Variants in COL4A3 observed in about 807,000 individuals in gnomAD.
The protein encoded by COL4A3 is collagen alpha-3(IV) chain.
COL4A3 carries 135 observed loss-of-function variants against 217.4 expected under a neutral mutation model. That is an observed-to-expected ratio of 0.62 (90% CI 0.54 to 0.72). The LOEUF (loss-of-function observed/expected upper bound fraction) is 0.72, where lower values mean the gene tolerates loss of function less well. Among genes scored for constraint, COL4A3 ranks in the 30% least tolerant of loss-of-function variants. The pLI is 0.00. For missense variants in COL4A3, 1,868 were observed against 2,119.9 expected (o/e 0.88, Z 2.33); for synonymous variants, 690 against 736.3 (o/e 0.94, Z 1.02).
chr2:227,206,333 G>T (rs537117633), intron 1 of COL4A3, among the ~76,000 whole-genome samples: 10 of 152,192 alleles, frequency 6.6e-5, no homozygotes, highest in Non-Finnish European at 1.3e-4. Context: ...TTGGTCTCCC[G>T]TAGTGCTGGG....
chr2:227,296,310 G>C (rs2106241464), intron 41 of COL4A3: 1 of 158,494 alleles, frequency 6.3e-6, no homozygotes, highest in Non-Finnish European at 1.4e-5. Context: ...GTCAAAAGGA[G>C]AGTTGCTCTT....
chr2:227,225,715 T>C (rs542042279), intron 1 of COL4A3, among the ~76,000 whole-genome samples: 16 of 147,600 alleles, frequency 1.1e-4, no homozygotes, highest in African/African-American at 3.1e-4. Flanking sequence ...CTTTCTTTTT[T>C]TTTTTTTTTT....
chr2:227,207,368 C>G (rs1330785882), intron 1 of COL4A3, among the ~76,000 whole-genome samples: 1 of 152,112 alleles, frequency 6.6e-6, no homozygotes, highest in African/African-American at 2.4e-5. Context: ...ATATTTATTT[C>G]TTCTTCACTT....
chr2:227,208,765 TACACACACACACACACACACAC>T (rs60244094), intron 1 of COL4A3, among the ~76,000 whole-genome samples: 2 of 138,490 alleles, frequency 1.4e-5, no homozygotes, highest in Middle Eastern at 3.3e-3. Flanking sequence ...GGCGGTTGGT[TACACACACACACACACACACAC>T]ACACACACAC....
chr2:227,307,408 T>C (rs2073553088), intron 47 of COL4A3, among the ~76,000 whole-genome samples: 1 of 152,156 alleles, frequency 6.6e-6, no homozygotes, highest in African/African-American at 2.4e-5. Flanking sequence ...ATAAAAAACA[T>C]ACATAAGACC....
At chr2:227,302,968 T>TA in intron 43 of COL4A3, 70 bp from the exon 44 acceptor site, 2 of 1,035,166 alleles carry the variant, frequency 1.9e-6, no homozygotes, top group Non-Finnish European at 3.1e-6. Context: ...TTTGCATTTT[T>TA]AAAAAACTGC....
intron 3 of COL4A3, among the ~76,000 whole-genome samples, chr2:227,240,807 C>T (rs2068976177): frequency 6.6e-6 from 1 of 152,218 alleles, no homozygotes; most frequent in Non-Finnish European, 1.5e-5. Flanking sequence ...GCCTGTAGTT[C>T]ATCTACTATT....
chr2:227,266,951 C>A, intron 22 of COL4A3, 42 bp from the exon 23 acceptor site: 1 of 1,343,776 alleles, frequency 7.4e-7, no homozygotes, highest in South Asian at 1.2e-5. Context: ...TCTGAGGACT[C>A]AATGTAGCTT....
intron 1 of COL4A3, among the ~76,000 whole-genome samples, chr2:227,201,523 G>C (rs944036510): frequency 6.6e-6 from 1 of 152,132 alleles, no homozygotes; most frequent in African/African-American, 2.4e-5. Flanking sequence ...TCCAGTTGAC[G>C]TTAGAAGAAT....
chr2:227,169,753 A>G (rs190951212), intron 1 of COL4A3, among the ~76,000 whole-genome samples: 1 of 151,738 alleles, frequency 6.6e-6, no homozygotes, highest in Non-Finnish European at 1.5e-5. Context: ...TTTTTTTCTT[A>G]TAAATTTGTT....
rs79382260 is a variant in COL4A3 at position 227,196,971 on chromosome 2, G to T, written c.87+32158G>T. 5.9e-3 allele frequency among the ~76,000 whole-genome samples: 892 copies of T among 152,216 alleles called. 15 individuals are homozygous for T. Among genetic ancestry groups the T allele is most frequent in the African/African-American group, 0.021 (856 of 41,526 alleles). ...CAGTGGGAGGCGATTGAATCATGGG[G>T]GGTAGGTATTTATCATGGTGTTCTC... On this transcript the variant is annotated intron_variant, in intron 1 of 51. Transcript: ENST00000396578.
intron 25 of COL4A3, 58 bp from the exon 26 acceptor site, chr2:227,272,891 C>A: frequency 6.5e-7 from 1 of 1,543,000 alleles, no homozygotes; most frequent in Non-Finnish European, 9.0e-7. Context: ...GGATGATTAA[C>A]CTGTTGTAAG....
intron 1 of COL4A3, among the ~76,000 whole-genome samples, chr2:227,227,538 A>G (rs971053484): frequency 6.6e-6 from 1 of 151,868 alleles, no homozygotes; most frequent in Non-Finnish European, 1.5e-5. Flanking sequence ...AAAAAAAAAA[A>G]GAAGAAGAAG....
intron 1 of COL4A3, among the ~76,000 whole-genome samples, chr2:227,209,578 A>C (rs2067236589): frequency 6.6e-6 from 1 of 152,110 alleles, no homozygotes; most frequent in Admixed American, 6.6e-5. Context: ...AGTGACTCAC[A>C]CCTGTAATCC....
chr2:227,304,101 G>T lies in COL4A3; in HGVS notation c.4110G>T (p.Gly1370=), dbSNP rs758065359. ...PGPPGTPGEP[G]MQGEPGPPGP... The stretch of plus-strand genomic sequence containing the variant: ...CACCTGGCACACCTGGAGAACCAGG[G>T]ATGCAGGGAGAACCTGGGCCACCAG... Residue 1370 remains glycine (G), a synonymous_variant, in exon 46 of 52, where the codon GGG becomes GGT. Coordinates refer to ENST00000396578, the MANE Select transcript of COL4A3 (RefSeq NM_000091.5). 1 of 1,614,050 alleles carries T rather than the reference G, an allele frequency of 6.2e-7. No individual in the cohort carries two copies. Among genetic ancestry groups the T allele is most frequent in the Admixed American group, 1.7e-5 (1 of 59,986 alleles).
intron 1 of COL4A3, among the ~76,000 whole-genome samples, chr2:227,192,479 TG>T (rs1169820287): frequency 6.6e-6 from 1 of 152,210 alleles, no homozygotes; most frequent in Non-Finnish European, 1.5e-5. Flanking sequence ...CAGCTAATTG[TG>T]GAATCAAATG....
At chr2:227,193,228 C>T (rs1410291200) in intron 1 of COL4A3, among the ~76,000 whole-genome samples, 3 of 151,990 alleles carry the variant, frequency 2.0e-5, no homozygotes, top group African/African-American at 7.2e-5. Context: ...AGGAATTCTA[C>T]AAATTAGATA....
At chr2:227,170,712 A>C (rs928622210) in intron 1 of COL4A3, among the ~76,000 whole-genome samples, 10 of 152,196 alleles carry the variant, frequency 6.6e-5, no homozygotes, top group Admixed American at 3.9e-4. Context: ...AAGCAGTAAT[A>C]GTATGTATTT....
At chr2:227,276,529 C>G in intron 27 of COL4A3, 52 bp downstream of exon 27, 1 of 1,328,630 alleles carries the variant, frequency 7.5e-7, no homozygotes, top group Non-Finnish European at 1.1e-6. Flanking sequence ...ACACAACACC[C>G]TGACTCTCTT....
Sources: gnomAD v4.1 joint callset for allele counts (sites outside exome capture counted in the v4.1 genomes callset) on GRCh38, gnomAD v4.1.1 for gene constraint, MANE v1.5 for transcripts, NCBI Gene and HGNC (gene_info 2026-07-23, HGNC 2026-07-21) for gene names.